LRFN5: variants seen among roughly 807,000 people sequenced by gnomAD.
The protein encoded by LRFN5 is leucine-rich repeat and fibronectin type-III domain-containing protein 5.
Under a neutral mutation model 45.6 loss-of-function variants are expected in LRFN5, and 24 were observed. The observed-to-expected ratio is 0.53, with a 90% confidence interval of 0.38 to 0.74. LRFN5 has a LOEUF of 0.74. LRFN5 is among the 30% of genes least tolerant of loss of function. LRFN5 has a pLI of 0.00. For missense variants in LRFN5, 776 were observed against 861.5 expected, an observed-to-expected ratio of 0.90 and a Z score of 1.24; for synonymous variants, 340 against 313.8, an observed-to-expected ratio of 1.08 and a Z score of -0.88.
intron 2 of LRFN5, among the ~76,000 whole-genome samples, chr14:41,882,269 A>G (rs938361812): frequency 6.6e-6 from 1 of 151,904 alleles, no homozygotes; most frequent in African/African-American, 2.4e-5. Flanking sequence ...CCCACAGTCT[A>G]CGAAGGTGGA....
chr14:41,652,650 GATGAGT>G (rs1880185301), intron 1 of LRFN5, among the ~76,000 whole-genome samples: 1 of 152,110 alleles, frequency 6.6e-6, no homozygotes, highest in Non-Finnish European at 1.5e-5. Flanking sequence ...TGACCTACCT[GATGAGT>G]AGGCTTTTTA....
At chr14:41,738,084 G>A (rs1884522974) in intron 1 of LRFN5, among the ~76,000 whole-genome samples, 1 of 152,122 alleles carries the variant, frequency 6.6e-6, no homozygotes, top group Non-Finnish European at 1.5e-5. Flanking sequence ...CACATTACCT[G>A]ACTTCAAACT....
intron 2 of LRFN5, among the ~76,000 whole-genome samples, chr14:41,770,412 C>T (rs998473190): frequency 6.6e-6 from 1 of 152,168 alleles, no homozygotes; most frequent in African/African-American, 2.4e-5. Flanking sequence ...ATCTGAGACT[C>T]ATCTCCTTCC....
At chr14:41,812,778 T>C (rs1198167635) in intron 2 of LRFN5, among the ~76,000 whole-genome samples, 1 of 152,154 alleles carries the variant, frequency 6.6e-6, no homozygotes, top group Non-Finnish European at 1.5e-5. Context: ...TTTTAAATGA[T>C]TGCCTTCTGA....
chr14:41,783,323 T>TAA (rs1258724454), intron 2 of LRFN5, among the ~76,000 whole-genome samples: 1 of 152,160 alleles, frequency 6.6e-6, no homozygotes, highest in Non-Finnish European at 1.5e-5. Context: ...TGTGTGGCTC[T>TAA]AACAGCTGCT....
intron 1 of LRFN5, among the ~76,000 whole-genome samples, chr14:41,697,441 A>G (rs1470350680): frequency 6.6e-6 from 1 of 151,858 alleles, no homozygotes; most frequent in African/African-American, 2.4e-5. Context: ...ACTGTTAGAC[A>G]TGTGTTAAAA....
At chr14:41,856,675 A>ATTTT (rs1555326982) in intron 2 of LRFN5, among the ~76,000 whole-genome samples, 15 of 18,300 alleles carry the variant, frequency 8.2e-4, no homozygotes, top group Admixed American at 1.2e-3. Flanking sequence ...TATTATTATT[A>ATTTT]TTTTTTTTTT....
intron 1 of LRFN5, among the ~76,000 whole-genome samples, chr14:41,655,667 A>G (rs1056486381): frequency 3.3e-5 from 5 of 152,040 alleles, no homozygotes; most frequent in African/African-American, 1.2e-4. Context: ...AGGAAAAAAC[A>G]GAGGAGTTTG....
intron 4 of LRFN5, chr14:41,894,966 A>G: frequency 2.1e-6 from 2 of 972,530 alleles, no homozygotes; most frequent in Non-Finnish European, 2.4e-6. Flanking sequence ...AAGATTATAT[A>G]TACATATATA....
chr14:41,851,451 A>G (rs1327205992), intron 2 of LRFN5, among the ~76,000 whole-genome samples: 1 of 151,844 alleles, frequency 6.6e-6, no homozygotes, highest in African/African-American at 2.4e-5. Flanking sequence ...ATTATGTTAC[A>G]TATGATGTTT....
chr14:41,702,581 A>G (rs181546999), intron 1 of LRFN5, among the ~76,000 whole-genome samples: 170 of 151,834 alleles, frequency 1.1e-3, no homozygotes, highest in African/African-American at 3.5e-3. Context: ...TCCTGCCTCA[A>G]CCTCCCAGAG....
At chr14:41,843,086 C>CTTTTTTTT (rs539151256) in intron 2 of LRFN5, among the ~76,000 whole-genome samples, 1 of 118,310 alleles carries the variant, frequency 8.5e-6, no homozygotes, top group Non-Finnish European at 1.8e-5. Flanking sequence ...TTTGTCTTTT[C>CTTTTTTTT]TTTTTTTTTT....
At chr14:41,701,592 C>T (rs1882843565) in intron 1 of LRFN5, 1 of 152,068 alleles carries the variant, frequency 6.6e-6, no homozygotes, top group African/African-American at 2.4e-5. Flanking sequence ...TGTCCCTGTC[C>T]CTGTCCTACC....
At chr14:41,836,010 C>T (rs889508384) in intron 2 of LRFN5, among the ~76,000 whole-genome samples, 1 of 151,248 alleles carries the variant, frequency 6.6e-6, no homozygotes, top group Non-Finnish European at 1.5e-5. Flanking sequence ...ATAATAATCC[C>T]ATCTCTTAAA....
chr14:41,799,350 G>C (rs865888651), intron 2 of LRFN5, among the ~76,000 whole-genome samples: 3 of 151,942 alleles, frequency 2.0e-5, no homozygotes, highest in Non-Finnish European at 4.4e-5. Context: ...TTGCTGCCAG[G>C]CATTGTGTGC....
intron 2 of LRFN5, among the ~76,000 whole-genome samples, chr14:41,814,796 T>C (rs1273257046): frequency 6.6e-6 from 1 of 152,160 alleles, no homozygotes; most frequent in Non-Finnish European, 1.5e-5. Flanking sequence ...GGACGGCATC[T>C]TTAGTGTTGG....
At chr14:41,780,570 A>G (rs1460847262) in intron 2 of LRFN5, among the ~76,000 whole-genome samples, 1 of 150,846 alleles carries the variant, frequency 6.6e-6, no homozygotes, top group African/African-American at 2.4e-5. Flanking sequence ...ATGTGTTCTT[A>G]ATTTAAAGTG....
At chr14:41,786,196 C>T (rs1281273779) in intron 2 of LRFN5, among the ~76,000 whole-genome samples, 1 of 152,082 alleles carries the variant, frequency 6.6e-6, no homozygotes, top group African/African-American at 2.4e-5. Flanking sequence ...AAGAGACAGA[C>T]AATGGGCAAA....
intron 2 of LRFN5, among the ~76,000 whole-genome samples, chr14:41,817,424 A>G (rs1887959592): frequency 1.3e-5 from 2 of 152,102 alleles, no homozygotes; most frequent in East Asian, 3.9e-4. Flanking sequence ...AATGGATAGG[A>G]GTGGAGAAGC....
Sources: allele counts gnomAD v4.1 joint callset (sites outside exome capture counted in the v4.1 genomes callset), GRCh38; gene constraint gnomAD v4.1.1; transcripts MANE v1.5; gene names NCBI Gene and HGNC (gene_info 2026-07-23, HGNC 2026-07-21).